The following UBA6 variants were observed in gnomAD, a reference collection of about 807,000 sequenced individuals.
UBA6 encodes the protein ubiquitin-like modifier-activating enzyme 6.
UBA6 carries 87 observed loss-of-function variants against 148.3 expected under a neutral mutation model. The observed-to-expected ratio is 0.59, with a 90% confidence interval of 0.49 to 0.70. UBA6 has a LOEUF of 0.70. Ranked by LOEUF, UBA6 falls within the 30% of genes least tolerant of loss-of-function variation. The pLI, the probability that UBA6 is intolerant of heterozygous loss-of-function variation, is 0.00. For synonymous variants in UBA6, 376 were observed against 401.0 expected (o/e 0.94, Z 0.75); for missense variants, 1,186 against 1,241.2 (o/e 0.96, Z 0.67).
intron 7 of UBA6, among the ~76,000 whole-genome samples, chr4:67,671,840 T>C (rs1194756438): frequency 6.6e-6 from 1 of 152,142 alleles, no homozygotes; most frequent in Non-Finnish European, 1.5e-5. Flanking sequence ...AGAACTGTGA[T>C]TTTTCCCATC....
chr4:67,622,956 G>GA, intron 31 of UBA6, 31 bp from the exon 32 acceptor site: 1 of 1,544,878 alleles, frequency 6.5e-7, no homozygotes. Flanking sequence ...AAGAAACAAT[G>GA]AAAGCCTCGC....
At chr4:67,661,363 T>A (rs886961709) in intron 13 of UBA6, among the ~76,000 whole-genome samples, 2 of 152,234 alleles carry the variant, frequency 1.3e-5, no homozygotes, top group African/African-American at 4.8e-5. Flanking sequence ...AGGTAATCAG[T>A]GAGTGATAGT....
In UBA6 at chr4:67,663,237, G is replaced by A. The variant is rs114171040; in HGVS notation, c.961-22C>T. 221 of 1,571,862 alleles carry A rather than the reference G, an allele frequency of 1.4e-4. 1 individual carries two copies. Among genetic ancestry groups the A allele is most frequent in the African/African-American group, 1.1e-3 (78 of 73,590 alleles). On this transcript the variant is annotated intron_variant, in intron 11 of 32. Coordinates refer to ENST00000322244, the MANE Select transcript of UBA6 (RefSeq NM_018227.6). The stretch of plus-strand genomic sequence containing the variant: ...GTGCCTATTGAGAACATTAAAAATC[G>A]GCCAACATTTACTGAGTGGTTGTAT...
chr4:67,636,380 C>CCCG (rs1269328683), intron 19 of UBA6, among the ~76,000 whole-genome samples: 5 of 150,744 alleles, frequency 3.3e-5, no homozygotes, highest in East Asian at 1.9e-4. Context: ...CTCTCCCTCT[C>CCCG]CTGCTCCCGC....
At chr4:67,640,181 A>C (rs1184037710) in intron 18 of UBA6, among the ~76,000 whole-genome samples, 2 of 152,242 alleles carry the variant, frequency 1.3e-5, no homozygotes, top group Non-Finnish European at 2.9e-5. Context: ...TTAGTGTTCT[A>C]AGTGTACAAA....
intron 2 of UBA6, among the ~76,000 whole-genome samples, chr4:67,686,769 C>T (rs1306840077): frequency 2.6e-5 from 4 of 151,388 alleles, no homozygotes; most frequent in Admixed American, 6.6e-5. Flanking sequence ...CTGGGCAATA[C>T]GGTGAGACAC....
intron 25 of UBA6, among the ~76,000 whole-genome samples, chr4:67,631,254 G>A (rs964636777): frequency 5.3e-5 from 8 of 152,152 alleles, no homozygotes; most frequent in Admixed American, 5.2e-4. Flanking sequence ...ACACACAAGT[G>A]TGAATCTAAT....
rs759444039 is a variant in UBA6, at chr4:67,665,147, T to C, written c.897+42A>G. 10 of 1,273,260 alleles carry C rather than the reference T, an allele frequency of 7.9e-6. No homozygotes were observed. The South Asian group carries it at 1.3e-4, about 17-fold the overall frequency. The allele number at this position is 1,273,260 out of a possible 1,614,324, so 78.9% of individuals were successfully genotyped here. On this transcript the variant is annotated intron_variant, in intron 10 of 32. Transcript: ENST00000322244. ...TATTTGTCTCTTCTGCCTTTCTTTT[T>C]CTGTAAAAAAATGTTTTTTAAGCCG...
rs191325604 is a variant in UBA6, at chr4:67,662,619, A to G, written c.1038-364T>C. On this transcript the variant is annotated intron_variant, in intron 12 of 32. Transcript: ENST00000322244. The stretch of plus-strand genomic sequence containing the variant: ...GCTGGGATTACCGGCATGCACCACC[A>G]CGCCTGGTAATTTCTGTATTTTTAG... 794 of 191,416 alleles carry G rather than the reference A, an allele frequency of 4.1e-3. 9 individuals carry two copies. Among genetic ancestry groups the G allele is most frequent in the African/African-American group, 0.017 (741 of 42,868 alleles). 11.9% of individuals were successfully genotyped at this position (191,416 alleles called of 1,614,324 possible). A position where few individuals can be genotyped will look rare whatever the true frequency, so the allele number is the denominator to read the frequency against.
intron 2 of UBA6, among the ~76,000 whole-genome samples, chr4:67,686,598 T>A (rs146436180): frequency 2.5e-3 from 378 of 152,134 alleles, no homozygotes; most frequent in African/African-American, 8.7e-3. Context: ...AGATGAGTGG[T>A]TGCCTGAAGA....
intron 13 of UBA6, among the ~76,000 whole-genome samples, chr4:67,657,933 C>T (rs539468704): frequency 1.3e-5 from 2 of 151,922 alleles, no homozygotes; most frequent in East Asian, 3.9e-4. Flanking sequence ...AGCCACCAGA[C>T]ACATGCAAAA....
rs1354875409 is a variant in UBA6 at position 67,614,135 on chromosome 4, T to C, written c.*4862A>G. ...TCCACAATCTCTTATTTAACCTGAA[T>C]ATTTCCTTCCTATTGATCCCAGGTC... On this transcript the variant is annotated 3_prime_UTR_variant, in exon 33 of 33. Coordinates refer to ENST00000322244, the MANE Select transcript of UBA6 (RefSeq NM_018227.6). 6.6e-6 allele frequency: 1 copy of C among 152,270 alleles called. No individual in the cohort carries two copies. The highest frequency in any genetic ancestry group is 1.5e-5 in the Non-Finnish European group (1 of 68,062). 9.4% of individuals were successfully genotyped at this position (152,270 alleles called of 1,614,324 possible). A position where few individuals can be genotyped will look rare whatever the true frequency, so the allele number is the denominator to read the frequency against.
At chr4:67,637,484 A>G (rs1031231810) in intron 19 of UBA6, among the ~76,000 whole-genome samples, 3 of 151,972 alleles carry the variant, frequency 2.0e-5, no homozygotes, top group African/African-American at 7.2e-5. Context: ...GCGGTTTTGT[A>G]GAATAGAAAA....
chr4:67,678,798 T>G (rs1730353531), intron 4 of UBA6, among the ~76,000 whole-genome samples: 1 of 152,190 alleles, frequency 6.6e-6, no homozygotes, highest in Non-Finnish European at 1.5e-5. Flanking sequence ...CTCTCATTAT[T>G]ACTGATTAAC....
chr4:67,641,125 A>C (rs1577802067), intron 18 of UBA6, 26 bp downstream of exon 18: 1 of 1,419,004 alleles, frequency 7.0e-7, no homozygotes. Context: ...TACATGATTT[A>C]AATTTGAAAC....
intron 2 of UBA6, among the ~76,000 whole-genome samples, chr4:67,689,408 C>T (rs1185457295): frequency 1.3e-5 from 2 of 151,954 alleles, no homozygotes; most frequent in African/African-American, 4.8e-5. Flanking sequence ...ATATAAGATG[C>T]CAGAAAGTTA....
chr4:67,651,074 AC>A (rs1365177165), intron 13 of UBA6, among the ~76,000 whole-genome samples: 1 of 152,206 alleles, frequency 6.6e-6, no homozygotes, highest in African/African-American at 2.4e-5. Context: ...AAAAGTAAGC[AC>A]AAAAAGCATT....
intron 13 of UBA6, among the ~76,000 whole-genome samples, chr4:67,655,760 T>C (rs1416992196): frequency 2.0e-5 from 3 of 152,180 alleles, no homozygotes; most frequent in Middle Eastern, 3.4e-3. Context: ...AGCTGGTGTT[T>C]TGAAAAGATC....
At chr4:67,690,441 T>C (rs1022331501) in intron 2 of UBA6, among the ~76,000 whole-genome samples, 1 of 151,880 alleles carries the variant, frequency 6.6e-6, no homozygotes, top group African/African-American at 2.4e-5. Flanking sequence ...AAAGCAAAAA[T>C]TGTCAAGTGG....
Sources: allele counts gnomAD v4.1 joint callset (sites outside exome capture counted in the v4.1 genomes callset), GRCh38; gene constraint gnomAD v4.1.1; transcripts MANE v1.5; gene names NCBI Gene and HGNC (gene_info 2026-07-23, HGNC 2026-07-21).